QRSL1: variants seen among roughly 807,000 people sequenced by gnomAD.
QRSL1 encodes glutaminyl-tRNA amidotransferase subunit QRSL1, also known as glutamyl-tRNA(Gln) amidotransferase subunit A, mitochondrial.
In QRSL1, 54 loss-of-function variants were observed where a neutral mutation model predicts 61.6. The ratio of observed to expected loss-of-function variants is 0.88; its 90% CI spans 0.70 to 1.10. The LOEUF (loss-of-function observed/expected upper bound fraction) is 1.10, where lower values mean the gene tolerates loss of function less well. QRSL1 is among the 50% of genes least tolerant of loss of function. The probability of loss-of-function intolerance (pLI) is 0.00; values close to 1 mark genes in which losing one functional copy is unlikely to be tolerated. For synonymous variants in QRSL1, 228 were observed against 225.7 expected, an observed-to-expected ratio of 1.01 and a Z score of -0.09; for missense variants, 505 against 622.6, an observed-to-expected ratio of 0.81 and a Z score of 2.01.
At chr6:106,661,799 C>T (rs992927809) in intron 9 of QRSL1, among the ~76,000 whole-genome samples, 1 of 148,948 alleles carries the variant, frequency 6.7e-6, no homozygotes, top group African/African-American at 2.5e-5. Context: ...ACAACCTCCG[C>T]CTCCCAGGTT....
chr6:106,640,617 T>A (rs1777002613), intron 2 of QRSL1, 109 bp downstream of exon 2: 1 of 1,096,416 alleles, frequency 9.1e-7, no homozygotes. Flanking sequence ...ATAGCCTTAT[T>A]TAAAGAACTT....
chr6:106,633,164 C>T (rs185728567), intron 1 of QRSL1, among the ~76,000 whole-genome samples: 33 of 152,296 alleles, frequency 2.2e-4, no homozygotes, highest in Admixed American at 1.0e-3. Flanking sequence ...CTTTATCACT[C>T]CTTTAACAAA....
At chr6:106,653,439 A>G (rs1036597132) in intron 7 of QRSL1, 5 of 152,170 alleles carry the variant, frequency 3.3e-5, no homozygotes, top group Admixed American at 2.6e-4. Flanking sequence ...GACATTGTCA[A>G]GTGTCTCCTG....
intron 3 of QRSL1, chr6:106,642,509 G>A: frequency 1.4e-6 from 1 of 697,284 alleles, no homozygotes; most frequent in Middle Eastern, 2.9e-4. Flanking sequence ...GTGTTTTCTA[G>A]GCCTTTTACA....
At chr6:106,647,231 T>C (rs1777122540) in intron 4 of QRSL1, among the ~76,000 whole-genome samples, 1 of 151,942 alleles carries the variant, frequency 6.6e-6, no homozygotes, top group African/African-American at 2.4e-5. Flanking sequence ...AGCAACCCTA[T>C]TTTTAAAAAA....
chr6:106,664,154 C>T (rs1360692529), intron 10 of QRSL1, among the ~76,000 whole-genome samples: 1 of 152,174 alleles, frequency 6.6e-6, no homozygotes, highest in Non-Finnish European at 1.5e-5. Context: ...CTCAGTTCTA[C>T]CAAAAGTGTC....
chr6:106,652,288 G>A lies in QRSL1; in HGVS notation c.637G>A (p.Gly213Ser). The A allele has an allele frequency of 6.2e-7, 1 of 1,614,082 alleles. No homozygotes were observed. The highest frequency in any genetic ancestry group is 1.1e-5 in the South Asian group (1 of 91,072). Residue 213 changes from glycine to serine, a missense_variant, in exon 6 of 11, where the codon GGC becomes AGC. By Grantham distance (56) the Gly-to-Ser change is moderately conservative. Coordinates refer to ENST00000369046, the MANE Select transcript of QRSL1 (RefSeq NM_018292.5). ...GCTTGTTGGTTTCAAACCAAGCTATGGCTTAGTTTCCCGTCATGGTCTCAT... is the reference window on the plus strand; with the variant it reads ...GCTTGTTGGTTTCAAACCAAGCTATAGCTTAGTTTCCCGTCATGGTCTCAT... ...CGLVGFKPSYGLVSRHGLIPL... is the reference protein window; with the variant it reads ...CGLVGFKPSYSLVSRHGLIPL...
In QRSL1 at chr6:106,665,944, A is replaced by G. The variant is rs762712316; in HGVS notation, c.1529A>G (p.Asp510Gly). ...FPVIQLQELM[D>G]DCSAVLENEK... ...GTTATTCAACTTCAAGAACTCATGGATGATTGTTCAGCAGTCCTTGAAAAT... is the reference window on the plus strand; with the variant it reads ...GTTATTCAACTTCAAGAACTCATGGGTGATTGTTCAGCAGTCCTTGAAAAT... Residue 510 changes from aspartate to glycine, a missense_variant, in exon 11 of 11, where the codon GAT becomes GGT. Transcript: ENST00000369046. 6.2e-7 allele frequency: 1 copy of G among 1,614,028 alleles called. No individual in the cohort carries two copies. Among genetic ancestry groups the G allele is most frequent in the South Asian group, 1.1e-5 (1 of 91,084 alleles).
In QRSL1 at chr6:106,665,854, G is replaced by C. The variant is rs370964875; in HGVS notation, c.1439G>C (p.Arg480Pro). The C allele has an allele frequency of 2.5e-6, 4 of 1,613,940 alleles. No homozygotes were observed. The highest frequency in any genetic ancestry group is 3.4e-6 in the Non-Finnish European group (4 of 1,179,856). The stretch of plus-strand genomic sequence containing the variant: ...CCAATAGGACTGCAGTTTATTGGAC[G>C]TGCGTTTTGTGACCAGCAGCTTCTT... Reference protein sequence around the residue: ...GLPIGLQFIGRAFCDQQLLTV... With the variant: ...GLPIGLQFIGPAFCDQQLLTV... Residue 480 changes from arginine to proline, a missense_variant, in exon 11 of 11, where the codon CGT becomes CCT. Physicochemically the swap from Arg to Pro is moderately radical, Grantham distance 103 (BLOSUM62 -2). Coordinates refer to ENST00000369046, the MANE Select transcript of QRSL1 (RefSeq NM_018292.5).
chr6:106,654,040 T>G (rs1270209733), intron 7 of QRSL1, among the ~76,000 whole-genome samples: 3 of 152,084 alleles, frequency 2.0e-5, no homozygotes, highest in Non-Finnish European at 4.4e-5. Context: ...AAGCATGAGA[T>G]GAGAGAGAAT....
intron 1 of QRSL1, among the ~76,000 whole-genome samples, chr6:106,631,232 TAAATAAATAAAATAA>T (rs1776824537): frequency 6.6e-6 from 1 of 152,012 alleles, no homozygotes; most frequent in African/African-American, 2.4e-5. Flanking sequence ...TCTCAAAAAA[TAAATAAATAAAATAA>T]AAATAAATAA....
chr6:106,637,210 G>C (rs1461889812), intron 1 of QRSL1, among the ~76,000 whole-genome samples: 1 of 152,220 alleles, frequency 6.6e-6, no homozygotes, highest in Non-Finnish European at 1.5e-5. Flanking sequence ...TGAAGGGCTG[G>C]AGACATGGGA....
Position 106,639,116 on chromosome 6 carries a change from G to GTTTTTTTTTTTTTTTTTTTTTTTT in QRSL1, c.25-1231_25-1230insTTTTTTTTTTTTTTTTTTTTTTTT, listed in dbSNP as rs1554200732. 3.7e-4 allele frequency among the ~76,000 whole-genome samples: 20 copies of GTTTTTTTTTTTTTTTTTTTTTTTT among 54,362 alleles called. 1 individual carries two copies. The highest frequency in any genetic ancestry group is 1.2e-3 in the East Asian group (3 of 2,520). 35.7% of individuals were successfully genotyped at this position (54,362 alleles called of 152,430 possible). On this transcript the variant is annotated intron_variant, in intron 1 of 10. Transcript: ENST00000369046. ...ACTTGTGTGGTTATTTGTGTGTTTT[G>GTTTTTTTTTTTTTTTTTTTTTTTT]TTGTTTTTTTTTTTTTTTTTTTTTT...
At chr6:106,639,367 A>C (rs1325246116) in intron 1 of QRSL1, among the ~76,000 whole-genome samples, 1 of 151,384 alleles carries the variant, frequency 6.6e-6, no homozygotes, top group Non-Finnish European at 1.5e-5. Flanking sequence ...CTTGTGATCT[A>C]CCCGCCTTGG....
At chr6:106,647,965 ATCAG>A (rs1423402213) in intron 4 of QRSL1, among the ~76,000 whole-genome samples, 1 of 150,790 alleles carries the variant, frequency 6.6e-6, no homozygotes, top group Non-Finnish European at 1.5e-5. Flanking sequence ...ACATTATTGA[ATCAG>A]TTGACAGAAT....
intron 1 of QRSL1, among the ~76,000 whole-genome samples, chr6:106,639,256 G>T (rs1199801864): frequency 1.3e-5 from 2 of 150,704 alleles, no homozygotes; most frequent in Non-Finnish European, 2.9e-5. Flanking sequence ...CTCCCAAGTA[G>T]CTGGGACTAC....
In QRSL1 at chr6:106,655,664, C is replaced by A. The variant is rs138471223; in HGVS notation, c.1092C>A (p.Thr364=). ...DVSTEAMYAA[T]RREGFNDVVR... is the part of the protein sequence containing the mutation. ...CCACTGAAGCCATGTATGCTGCAAC[C>A]AGACGAGAAGGGTTTAATGATGTGG... Residue 364 remains threonine (T), a synonymous_variant, in exon 9 of 11, where the codon ACC becomes ACA. Coordinates refer to ENST00000369046, the MANE Select transcript of QRSL1 (RefSeq NM_018292.5). 8.7e-6 allele frequency: 14 copies of A among 1,613,434 alleles called. No individual in the cohort carries two copies. In the Admixed American group the frequency reaches 1.0e-4, roughly 12 times the overall value.
intron 9 of QRSL1, among the ~76,000 whole-genome samples, chr6:106,657,061 G>C (rs1261236891): frequency 1.3e-5 from 2 of 152,208 alleles, no homozygotes; most frequent in Admixed American, 1.3e-4. Context: ...CCTGAGGTTA[G>C]GAGTTCGAGA....
Position 106,666,136 on chromosome 6 carries a change from A to T in QRSL1, c.*134A>T. On this transcript the variant is annotated 3_prime_UTR_variant, in exon 11 of 11. Coordinates refer to ENST00000369046, the MANE Select transcript of QRSL1 (RefSeq NM_018292.5). ...AGAACAGCCTGGTCAACATGGTGAA[A>T]CCCCGTCTCTACTAAAAATACAAAA... The T allele has an allele frequency of 1.4e-6, 1 of 714,470 alleles. No individual in the cohort carries two copies. The highest frequency in any genetic ancestry group is 1.8e-5 in the South Asian group (1 of 56,842). The allele number at this position is 714,470 out of a possible 1,614,324, so 44.3% of individuals were successfully genotyped here. A position where few individuals can be genotyped will look rare whatever the true frequency, so the allele number is the denominator to read the frequency against.
Sources: gnomAD v4.1 joint callset for allele counts (sites outside exome capture counted in the v4.1 genomes callset) on GRCh38, gnomAD v4.1.1 for gene constraint, MANE v1.5 for transcripts, NCBI Gene and HGNC (gene_info 2026-07-23, HGNC 2026-07-21) for gene names.